Variants in ADK observed in about 807,000 individuals in gnomAD.
ADK encodes the protein adenosine kinase.
A neutral mutation model predicts 44.7 loss-of-function variants in ADK; 24 were observed. The observed-to-expected ratio is 0.54, with a 90% CI of 0.39 to 0.76. The LOEUF (loss-of-function observed/expected upper bound fraction) is 0.76, where lower values mean the gene tolerates loss of function less well. Among genes scored for constraint, ADK ranks in the 30% least tolerant of loss-of-function variants. ADK has a pLI of 0.00. For missense variants in ADK, 321 were observed against 425.1 expected, an observed-to-expected ratio of 0.76 and a Z score of 2.15; for synonymous variants, 128 against 142.6, an observed-to-expected ratio of 0.90 and a Z score of 0.73.
chr10:74,345,438 G>C (rs1380774586), intron 4 of ADK, among the ~76,000 whole-genome samples: 3 of 152,036 alleles, frequency 2.0e-5, no homozygotes, highest in East Asian at 3.9e-4. Flanking sequence ...CTCCTGAGTA[G>C]CTGGGATTAC....
At chr10:74,582,070 C>T (rs540373021) in intron 7 of ADK, among the ~76,000 whole-genome samples, 2 of 152,270 alleles carry the variant, frequency 1.3e-5, no homozygotes, top group South Asian at 4.2e-4. Context: ...AACTGACATT[C>T]ATTGAATGTC....
At chr10:74,535,783 A>G (rs909437560) in intron 7 of ADK, among the ~76,000 whole-genome samples, 21 of 151,872 alleles carry the variant, frequency 1.4e-4, no homozygotes, top group African/African-American at 5.1e-4. Context: ...GGGTTTTGCC[A>G]TGTTGGCCAG....
chr10:74,196,290 C>A (rs1030123819), intron 1 of ADK, among the ~76,000 whole-genome samples: 1 of 151,788 alleles, frequency 6.6e-6, no homozygotes, highest in Non-Finnish European at 1.5e-5. Context: ...ACCTGTAATC[C>A]CAGCACTTTG....
rs1185036462 is a variant in ADK, at chr10:74,303,588, G to GTTTTTTTTTTTTTTTTTT, written c.195-11070_195-11053dup. Among the ~76,000 whole-genome samples, 63 of 68,574 alleles carry GTTTTTTTTTTTTTTTTTT rather than the reference G, an allele frequency of 9.2e-4. 13 individuals are homozygous for GTTTTTTTTTTTTTTTTTT. The highest frequency in any genetic ancestry group is 3.4e-3 in the African/African-American group (43 of 12,696). 45.0% of individuals were successfully genotyped at this position (68,574 alleles called of 152,430 possible). ...CACTTTTCATATTGGTTTTAATGTT[G>GTTTTTTTTTTTTTTTTTT]TTTTTTTTTTTTTTTTTTTTTTTTT... On this transcript the variant is annotated intron_variant, in intron 3 of 10. Transcript: ENST00000539909.
At chr10:74,547,629 G>A (rs1030417644) in intron 7 of ADK, among the ~76,000 whole-genome samples, 9 of 150,448 alleles carry the variant, frequency 6.0e-5, no homozygotes, top group Admixed American at 1.3e-4. Context: ...ATACAGGCGC[G>A]CACCACCATG....
intron 9 of ADK, among the ~76,000 whole-genome samples, chr10:74,620,932 G>A (rs972317632): frequency 6.6e-6 from 1 of 151,992 alleles, no homozygotes; most frequent in Non-Finnish European, 1.5e-5. Flanking sequence ...CTGTTGAGAT[G>A]TTTAAGTTCC....
chr10:74,395,237 T>C (rs560781818), intron 5 of ADK, among the ~76,000 whole-genome samples: 3 of 152,232 alleles, frequency 2.0e-5, no homozygotes, highest in African/African-American at 7.2e-5. Context: ...TTTTTTTCCC[T>C]TTTCATCCTC....
intron 1 of ADK, among the ~76,000 whole-genome samples, chr10:74,186,919 A>G (rs1309820211): frequency 1.3e-5 from 2 of 152,184 alleles, no homozygotes; most frequent in African/African-American, 4.8e-5. Context: ...TGCTATGAAC[A>G]TTTTTGTATA....
At chr10:74,304,017 A>T (rs1261675163) in intron 3 of ADK, among the ~76,000 whole-genome samples, 2 of 152,022 alleles carry the variant, frequency 1.3e-5, no homozygotes, top group African/African-American at 4.8e-5. Context: ...ATTAGCAGTA[A>T]TGTAAAAGTA....
At chr10:74,364,092 T>G (rs1397557117) in intron 4 of ADK, among the ~76,000 whole-genome samples, 2 of 152,218 alleles carry the variant, frequency 1.3e-5, no homozygotes, top group East Asian at 3.8e-4. Context: ...GTATTATACA[T>G]AACCACACTT....
At chr10:74,529,564 T>C (rs1393135862) in intron 7 of ADK, among the ~76,000 whole-genome samples, 1 of 152,192 alleles carries the variant, frequency 6.6e-6, no homozygotes, top group African/African-American at 2.4e-5. Flanking sequence ...TACAAATCAG[T>C]AAACTTAAAA....
intron 6 of ADK, among the ~76,000 whole-genome samples, chr10:74,491,142 A>G (rs1462230943): frequency 6.6e-6 from 1 of 152,152 alleles, no homozygotes; most frequent in Non-Finnish European, 1.5e-5. Flanking sequence ...ACACACAAAA[A>G]AACACTACCA....
At chr10:74,497,700 A>G (rs1409727705) in intron 6 of ADK, among the ~76,000 whole-genome samples, 3 of 152,202 alleles carry the variant, frequency 2.0e-5, no homozygotes, top group African/African-American at 4.8e-5. Context: ...GTGCAGTGGT[A>G]CACTCCTGTA....
intron 9 of ADK, among the ~76,000 whole-genome samples, chr10:74,667,420 A>C (rs2134187621): frequency 6.6e-6 from 1 of 152,058 alleles, no homozygotes; most frequent in South Asian, 2.1e-4. Flanking sequence ...CTAAGGATAA[A>C]GTATCTCAAT....
intron 6 of ADK, among the ~76,000 whole-genome samples, chr10:74,399,301 C>G (rs1843629395): frequency 6.6e-6 from 1 of 150,706 alleles, no homozygotes; most frequent in African/African-American, 2.4e-5. Context: ...GGTATAACAG[C>G]TGCTGCCATT....
chr10:74,708,741 G>T lies in ADK; in HGVS notation c.*296G>T. 3.2e-6 allele frequency: 1 copy of T among 307,836 alleles called. No individual in the cohort carries two copies. The highest frequency in any genetic ancestry group is 6.3e-6 in the Non-Finnish European group (1 of 158,220). The allele number at this position is 307,836 out of a possible 1,614,324, so 19.1% of individuals were successfully genotyped here. ...TCATTTTCAATTACTTTGTAAATTC[G>T]TGTGTATTTAGTACACTGATTTGTT... is the stretch of plus-strand genomic sequence containing the variant. On this transcript the variant is annotated 3_prime_UTR_variant, in exon 11 of 11. Coordinates refer to ENST00000539909, the MANE Select transcript of ADK (RefSeq NM_006721.4).
At chr10:74,190,885 T>G (rs1842931467) in intron 1 of ADK, among the ~76,000 whole-genome samples, 1 of 152,142 alleles carries the variant, frequency 6.6e-6, no homozygotes, top group Non-Finnish European at 1.5e-5. Context: ...TTGCTATTCT[T>G]ACTGAGATGC....
chr10:74,561,168 T>C (rs16931516), intron 7 of ADK, among the ~76,000 whole-genome samples: 1,535 of 152,354 alleles, frequency 0.01, 26 homozygotes, highest in African/African-American at 0.034. Context: ...CCAGTTTTAC[T>C]AGTCAAATGG....
At chr10:74,527,090 G>A (rs565215442) in intron 7 of ADK, among the ~76,000 whole-genome samples, 8 of 152,274 alleles carry the variant, frequency 5.3e-5, no homozygotes, top group African/African-American at 1.9e-4. Flanking sequence ...GGCCGGGCAC[G>A]GTGGCTCACG....
Sources: gnomAD v4.1 joint callset for allele counts (sites outside exome capture counted in the v4.1 genomes callset) on GRCh38, gnomAD v4.1.1 for gene constraint, MANE v1.5 for transcripts, NCBI Gene and HGNC (gene_info 2026-07-23, HGNC 2026-07-21) for gene names.